LRP2: variants seen among roughly 807,000 people sequenced by gnomAD.
LRP2 encodes the protein LDL receptor related protein 2, also known as low-density lipoprotein receptor-related protein 2.
In LRP2, 172 loss-of-function variants were observed where a neutral mutation model predicts 531.0. That is an observed-to-expected ratio of 0.32 (90% CI 0.29 to 0.37). The LOEUF is 0.37. LRP2 is among the 10% of genes least tolerant of loss of function. The probability of loss-of-function intolerance (pLI) is 1.00; values close to 1 mark genes in which losing one functional copy is unlikely to be tolerated. For synonymous variants in LRP2, 1,992 were observed against 2,027.6 expected (o/e 0.98, Z 0.47); for missense variants, 5,167 against 5,868.3 (o/e 0.88, Z 3.90).
intron 17 of LRP2, among the ~76,000 whole-genome samples, chr2:169,257,831 A>T (rs7594986): frequency 6.7e-6 from 1 of 148,236 alleles, no homozygotes; most frequent in African/African-American, 2.6e-5. Flanking sequence ...AAAACAAAAA[A>T]AAAAAACACA....
At chr2:169,256,326 T>A (rs1310811767) in intron 18 of LRP2, 90 bp from the exon 19 acceptor site, 1 of 983,028 alleles carries the variant, frequency 1.0e-6, no homozygotes, top group Non-Finnish European at 1.5e-6. Flanking sequence ...TAGGGTCAGT[T>A]GACACATTTA....
chr2:169,235,202 G>C (rs953874121), intron 29 of LRP2, among the ~76,000 whole-genome samples: 1 of 149,958 alleles, frequency 6.7e-6, no homozygotes, highest in African/African-American at 2.5e-5. Context: ...GTGAGACAAT[G>C]TGCCTGGCCA....
rs1303169449 is a variant in LRP2, at chr2:169,140,510, T to C, written c.13144A>G (p.Arg4382Gly). 1 of 1,614,014 alleles carries C rather than the reference T, an allele frequency of 6.2e-7. No individual in the cohort carries two copies. Among genetic ancestry groups the C allele is most frequent in the Non-Finnish European group, 8.5e-7 (1 of 1,179,926 alleles). The change falls in exon 72 of 79, where the codon AGG becomes GGG. Residue 4382 changes from arginine to glycine, a missense_variant. By Grantham distance (125) the Arg-to-Gly change is moderately radical. Transcript: ENST00000649046. The stretch of plus-strand genomic sequence containing the variant: ...TAGCAATTTCCTCCGTGCATGCACC[T>C]GCATGGGGGGGGCAGGTTGATAGGC... ...ELPINLPPPC[R>G]CMHGGNCYFD...
chr2:169,188,273 A>T lies in LRP2; in HGVS notation c.9033-8T>A. On this transcript the variant is annotated splice_polypyrimidine_tract_variant and splice_region_variant and intron_variant, in intron 48 of 78. Transcript: ENST00000649046. ...TCATTGTGCCGGTCACACCTGTATC[A>T]TGAGATCCAGTACCACTTTCAGAGA... The T allele has an allele frequency of 6.2e-7, 1 of 1,613,898 alleles. No homozygotes were observed. The highest frequency in any genetic ancestry group is 8.5e-7 in the Non-Finnish European group (1 of 1,179,972).
chr2:169,186,034 C>G lies in LRP2; in HGVS notation c.9329-15G>C. On this transcript the variant is annotated splice_polypyrimidine_tract_variant and intron_variant, in intron 49 of 78. Transcript: ENST00000649046. ...TTCATTAATGCCTGTAGGTAAAAAG[C>G]AGTTCTTAGAGATCCTAAAATATCA... The G allele has an allele frequency of 6.2e-7, 1 of 1,611,512 alleles. No homozygotes were observed.
rs768458485 is a variant in LRP2, at chr2:169,175,301, G to A, written c.10660C>T (p.Arg3554Ter). The change falls in exon 55 of 79, where the codon CGA becomes TGA. Residue 3554 changes from arginine to a stop codon, truncating the protein, a stop_gained. Coordinates refer to ENST00000649046, the MANE Select transcript of LRP2 (RefSeq NM_004525.3). LOFTEE classifies it high-confidence loss of function. ...ELALCPQRFC[R>*]LGQFQCSDGN... The stretch of plus-strand genomic sequence containing the variant: ...TCACTGCACTGGAACTGTCCCAGTC[G>A]GCAGAAGCGCTGCGGGCAAAGGGCC... 2.5e-6 allele frequency: 4 copies of A among 1,614,184 alleles called. No homozygotes were observed. The highest frequency in any genetic ancestry group is 1.3e-5 in the African/African-American group (1 of 75,038).
At chr2:169,190,727 A>G (rs891388529) in intron 48 of LRP2, among the ~76,000 whole-genome samples, 1 of 152,222 alleles carries the variant, frequency 6.6e-6, no homozygotes, top group Non-Finnish European at 1.5e-5. Flanking sequence ...AGTTGTGCCC[A>G]AATACCTAAG....
chr2:169,139,687 A>G, intron 72 of LRP2, 77 bp from the exon 73 acceptor site: 1 of 1,230,244 alleles, frequency 8.1e-7, no homozygotes, highest in South Asian at 1.2e-5. Context: ...CACATCCTGA[A>G]GTAGAGAGAG....
At chr2:169,306,908 A>G (rs926696929) in intron 4 of LRP2, among the ~76,000 whole-genome samples, 1 of 152,248 alleles carries the variant, frequency 6.6e-6, no homozygotes, top group Non-Finnish European at 1.5e-5. Context: ...TAAAAGCAGG[A>G]AAACTAGTGA....
intron 62 of LRP2, among the ~76,000 whole-genome samples, chr2:169,162,942 A>G (rs1249332093): frequency 5.3e-5 from 8 of 152,270 alleles, no homozygotes; most frequent in African/African-American, 1.9e-4. Context: ...TGAGTGCTCA[A>G]TAAGGCTTCA....
intron 1 of LRP2, among the ~76,000 whole-genome samples, chr2:169,353,375 GA>G: frequency 6.6e-6 from 1 of 152,258 alleles, no homozygotes; most frequent in Non-Finnish European, 1.5e-5. Flanking sequence ...ACTTAGGGGG[GA>G]GTAGGGTCAA....
At position 169,220,431 on chromosome 2, in the gene LRP2, A is replaced by G. The variant is rs748102690; in HGVS notation, c.5648+23T>C. ...ACAAGAACAATGCTGCATGGAAGAC[A>G]CGTGCCATTTATGAATACTCACCCA... On this transcript the variant is annotated intron_variant, in intron 34 of 78. Coordinates refer to ENST00000649046, the MANE Select transcript of LRP2 (RefSeq NM_004525.3). 7.9e-6 allele frequency: 12 copies of G among 1,526,260 alleles called. No homozygotes were observed. In the Admixed American group the frequency reaches 2.0e-4, roughly 26 times the overall value. The allele number at this position is 1,526,260 out of a possible 1,614,324, so 94.5% of individuals were successfully genotyped here.
At chr2:169,131,513 C>T (rs1407237305) in intron 77 of LRP2, among the ~76,000 whole-genome samples, 1 of 152,172 alleles carries the variant, frequency 6.6e-6, no homozygotes, top group Non-Finnish European at 1.5e-5. Flanking sequence ...TTTCCAACTA[C>T]TCTTAGACTT....
chr2:169,304,849 T>G (rs1405115774), intron 4 of LRP2, among the ~76,000 whole-genome samples: 1 of 152,112 alleles, frequency 6.6e-6, no homozygotes, highest in African/African-American at 2.4e-5. Context: ...ATAAAGAAAA[T>G]GTAGCATATA....
chr2:169,273,570 C>T (rs77612812), intron 14 of LRP2, among the ~76,000 whole-genome samples: 1 of 152,130 alleles, frequency 6.6e-6, no homozygotes, highest in African/African-American at 2.4e-5. Flanking sequence ...TATTCAGCAG[C>T]TAAACAGCTT....
At chr2:169,171,736 G>T (rs1455473762) in intron 58 of LRP2, among the ~76,000 whole-genome samples, 1 of 151,410 alleles carries the variant, frequency 6.6e-6, no homozygotes, top group African/African-American at 2.4e-5. Context: ...ACTTCTTTTG[G>T]AAAAAAAAGT....
At chr2:169,208,967 A>T (rs552982606) in intron 38 of LRP2, among the ~76,000 whole-genome samples, 1 of 152,304 alleles carries the variant, frequency 6.6e-6, no homozygotes, top group South Asian at 2.1e-4. Context: ...CCAGGCATTT[A>T]AAAAAATTAC....
Position 169,152,337 on chromosome 2 carries a change from G to A in LRP2, c.12461+462C>T, listed in dbSNP as rs147069861. On this transcript the variant is annotated intron_variant, in intron 67 of 78. Coordinates refer to ENST00000649046, the MANE Select transcript of LRP2 (RefSeq NM_004525.3). ...TAAAAACACAAGATGTGGATTGTTC[G>A]TCCCCAAGATAACTACCATAGAAAA... Among the ~76,000 whole-genome samples the A allele has an allele frequency of 1.8e-4, 27 of 152,084 alleles. No individual in the cohort carries two copies. In the East Asian group the frequency reaches 2.3e-3, roughly 13 times the overall value.
chr2:169,349,937 A>T (rs1485464039), intron 1 of LRP2, among the ~76,000 whole-genome samples: 3 of 152,198 alleles, frequency 2.0e-5, no homozygotes, highest in African/African-American at 7.2e-5. Context: ...GCTTCTGAGC[A>T]GAGGGGTGCT....
Sources: allele counts gnomAD v4.1 joint callset (sites outside exome capture counted in the v4.1 genomes callset), GRCh38; gene constraint gnomAD v4.1.1; transcripts MANE v1.5; gene names NCBI Gene and HGNC (gene_info 2026-07-23, HGNC 2026-07-21).